CEP128: variants seen among roughly 807,000 people sequenced by gnomAD.
The protein encoded by CEP128 is centrosomal protein 128.
CEP128 carries 132 observed loss-of-function variants against 156.7 expected under a neutral mutation model. The observed-to-expected ratio is 0.84, with a 90% CI of 0.73 to 0.97. The LOEUF is 0.97. Among genes scored for constraint, CEP128 ranks in the 50% least tolerant of loss-of-function variants. The probability of loss-of-function intolerance (pLI) is 0.00; values close to 1 mark genes in which losing one functional copy is unlikely to be tolerated. For missense variants in CEP128, 1,252 were observed against 1,281.9 expected (o/e 0.98, Z 0.36); for synonymous variants, 469 against 448.9 (o/e 1.04, Z -0.57).
downstream of CEP128, among the ~76,000 whole-genome samples, chr14:80,486,432 T>G (rs535730400): frequency 2.6e-5 from 4 of 152,126 alleles, no homozygotes. Context: ...GGAACCAAGT[T>G]GGAAAACACT....
At chr14:80,787,382 C>A (rs1365969860) in intron 14 of CEP128, among the ~76,000 whole-genome samples, 1 of 152,128 alleles carries the variant, frequency 6.6e-6, no homozygotes, top group Admixed American at 6.5e-5. Flanking sequence ...ATGGACTCTG[C>A]CATCTTCAAA....
intron 19 of CEP128, among the ~76,000 whole-genome samples, chr14:80,691,619 C>CA (rs1462130480): frequency 2.0e-5 from 3 of 151,994 alleles, no homozygotes; most frequent in African/African-American, 7.2e-5. Flanking sequence ...TAAAAATATC[C>CA]AAGCAAAGAA....
intron 21 of CEP128, among the ~76,000 whole-genome samples, chr14:80,555,827 T>G (rs991460523): frequency 6.6e-6 from 1 of 152,162 alleles, no homozygotes; most frequent in Non-Finnish European, 1.5e-5. Flanking sequence ...GATGCCTCAA[T>G]TCTCTTTACA....
intron 19 of CEP128, among the ~76,000 whole-genome samples, chr14:80,698,525 T>C (rs972359294): frequency 6.6e-6 from 1 of 152,144 alleles, no homozygotes; most frequent in Non-Finnish European, 1.5e-5. Flanking sequence ...TACCCTATAG[T>C]ATGCAGCAGA....
upstream of CEP128, among the ~76,000 whole-genome samples, chr14:80,942,067 A>G (rs1886192901): frequency 6.6e-6 from 1 of 151,954 alleles, no homozygotes; most frequent in Admixed American, 6.6e-5. Flanking sequence ...GGACAAAAGG[A>G]GTCCCCCAGG....
At chr14:80,722,084 AGTTCT>A (rs1264412516) in intron 19 of CEP128, among the ~76,000 whole-genome samples, 2 of 152,214 alleles carry the variant, frequency 1.3e-5, no homozygotes, top group Admixed American at 1.3e-4. Flanking sequence ...GGCATTTAGT[AGTTCT>A]CTAAAAGAAA....
At chr14:80,512,136 A>G (rs1888288699) in intron 23 of CEP128, among the ~76,000 whole-genome samples, 1 of 152,056 alleles carries the variant, frequency 6.6e-6, no homozygotes, top group Non-Finnish European at 1.5e-5. Flanking sequence ...TTGATTTTCT[A>G]TCTGGACAAT....
In CEP128 at chr14:80,691,476, C is replaced by A. The variant is rs1044366523; in HGVS notation, c.2806+51599G>T. Among the ~76,000 whole-genome samples, 5 of 152,254 alleles carry A rather than the reference C, an allele frequency of 3.3e-5. No individual in the cohort carries two copies. The South Asian group carries it at 1.0e-3, about 32-fold the overall frequency. ...AGACCTAGGACTATCACCTTACCAG[C>A]AGGTCTCAGCAACTAGTCAACAGTT... On this transcript the variant is annotated intron_variant, in intron 19 of 24. Coordinates refer to ENST00000555265, the MANE Select transcript of CEP128 (RefSeq NM_152446.5).
intron 16 of CEP128, among the ~76,000 whole-genome samples, chr14:80,770,447 G>T (rs1297963866): frequency 1.3e-5 from 2 of 151,872 alleles, no homozygotes; most frequent in Admixed American, 1.3e-4. Context: ...ATTCTATACT[G>T]TTTTCTTAAC....
chr14:80,845,387 T>C (rs531101959), intron 9 of CEP128, among the ~76,000 whole-genome samples: 20 of 152,282 alleles, frequency 1.3e-4, no homozygotes, highest in African/African-American at 4.8e-4. Flanking sequence ...ACAAGTGCAC[T>C]TTCCAGGATT....
chr14:80,547,360 T>C (rs762250936), intron 21 of CEP128, among the ~76,000 whole-genome samples: 3 of 152,242 alleles, frequency 2.0e-5, no homozygotes, highest in Admixed American at 6.5e-5. Flanking sequence ...ATTTACTAAA[T>C]ACTTGCAAAG....
intron 8 of CEP128, among the ~76,000 whole-genome samples, chr14:80,876,597 CA>C (rs11419599): frequency 1.7e-3 from 230 of 135,912 alleles, no homozygotes; most frequent in African/African-American, 2.1e-3. Flanking sequence ...ACTCCCATTT[CA>C]AAAAAAAAAA....
chr14:80,926,654 G>A lies in CEP128; in HGVS notation c.-15-10092C>T, dbSNP rs959508785. Among the ~76,000 whole-genome samples, 42 of 152,070 alleles carry A rather than the reference G, an allele frequency of 2.8e-4. 1 individual carries two copies. The highest frequency in any genetic ancestry group is 2.7e-3 in the Admixed American group (41 of 15,268). On this transcript the variant is annotated intron_variant, in intron 2 of 24. Transcript: ENST00000555265. ...CTGAGACACTAGAATACCTCCCCTGGGTAACATAAGGCAAGCACAAATCCC... is the reference window on the plus strand; with the variant it reads ...CTGAGACACTAGAATACCTCCCCTGAGTAACATAAGGCAAGCACAAATCCC...
intron 18 of CEP128, among the ~76,000 whole-genome samples, chr14:80,749,818 T>C (rs1899296310): frequency 6.6e-6 from 1 of 152,204 alleles, no homozygotes; most frequent in South Asian, 2.1e-4. Context: ...GTGATAGATA[T>C]CCCTTTTACA....
At chr14:80,781,034 C>T (rs889526201) in intron 15 of CEP128, among the ~76,000 whole-genome samples, 3 of 152,188 alleles carry the variant, frequency 2.0e-5, no homozygotes, top group African/African-American at 7.2e-5. Flanking sequence ...AAAAGAAGTA[C>T]AAAATTGGGC....
At chr14:80,805,759 G>A (rs972826802) in intron 13 of CEP128, among the ~76,000 whole-genome samples, 1 of 152,194 alleles carries the variant, frequency 6.6e-6, no homozygotes, top group Non-Finnish European at 1.5e-5. Flanking sequence ...ACTAAGGCAA[G>A]TCTCTTTGAA....
intron 13 of CEP128, among the ~76,000 whole-genome samples, chr14:80,799,535 T>G (rs1425187053): frequency 1.3e-5 from 2 of 152,190 alleles, no homozygotes; most frequent in Admixed American, 6.5e-5. Context: ...AAGAGCCATA[T>G]TTTTCTTCTT....
intron 23 of CEP128, among the ~76,000 whole-genome samples, chr14:80,518,462 C>G (rs1888594041): frequency 6.6e-6 from 1 of 152,084 alleles, no homozygotes; most frequent in African/African-American, 2.4e-5. Context: ...GGGAAGTATT[C>G]TATAAACGTC....
At chr14:80,842,178 CCTT>C (rs1411328840) in intron 9 of CEP128, among the ~76,000 whole-genome samples, 1 of 152,000 alleles carries the variant, frequency 6.6e-6, no homozygotes, top group Admixed American at 6.6e-5. Flanking sequence ...ATTTAAGTCT[CCTT>C]TTTTCAATTT....
Sources: gnomAD v4.1 joint callset for allele counts (sites outside exome capture counted in the v4.1 genomes callset) on GRCh38, gnomAD v4.1.1 for gene constraint, MANE v1.5 for transcripts, NCBI Gene and HGNC (gene_info 2026-07-23, HGNC 2026-07-21) for gene names.